ITGAE: variants seen among roughly 807,000 people sequenced by gnomAD.
ITGAE encodes the protein integrin alpha-E.
A neutral mutation model predicts 136.5 loss-of-function variants in ITGAE; 99 were observed. The ratio of observed to expected loss-of-function variants is 0.73; its 90% CI spans 0.62 to 0.86. ITGAE has a LOEUF of 0.86. Among genes scored for constraint, ITGAE ranks in the 40% least tolerant of loss-of-function variants. The probability of loss-of-function intolerance (pLI) is 0.00; values close to 1 mark genes in which losing one functional copy is unlikely to be tolerated. For synonymous variants in ITGAE, 613 were observed against 591.8 expected, an observed-to-expected ratio of 1.04 and a Z score of -0.52; for missense variants, 1,447 against 1,515.3, an observed-to-expected ratio of 0.95 and a Z score of 0.75.
At chr17:3,761,334 G>C (rs1044585723) in intron 5 of ITGAE, 69 bp downstream of exon 5, 2 of 1,544,500 alleles carry the variant, frequency 1.3e-6, no homozygotes, top group Non-Finnish European at 1.7e-6. Flanking sequence ...CCGTGAGCTG[G>C]TGCCTTTTCT....
At chr17:3,744,601 C>T (rs1211510589) in intron 18 of ITGAE, among the ~76,000 whole-genome samples, 7 of 152,126 alleles carry the variant, frequency 4.6e-5, no homozygotes, top group Admixed American at 2.6e-4. Flanking sequence ...CATGCCACCA[C>T]GCCTGGCTAA....
At chr17:3,716,883 C>G in intron 29 of ITGAE, 85 bp from the exon 30 acceptor site, 1 of 768,230 alleles carries the variant, frequency 1.3e-6, no homozygotes, top group Non-Finnish European at 2.2e-6. Flanking sequence ...GAGCAAAATA[C>G]GAGGACTTGG....
chr17:3,757,272 C>G (rs2052051583), intron 9 of ITGAE, 138 bp from the exon 10 acceptor site: 2 of 1,097,890 alleles, frequency 1.8e-6, no homozygotes, highest in South Asian at 1.5e-5. Context: ...TTTCCCTGCT[C>G]CCTGTTCTAC....
intron 2 of ITGAE, among the ~76,000 whole-genome samples, chr17:3,764,656 C>T (rs1017478751): frequency 6.6e-6 from 1 of 152,104 alleles, no homozygotes; most frequent in African/African-American, 2.4e-5. Context: ...GAGATCACGC[C>T]ACTGCACTCC....
chr17:3,747,607 C>A (rs1394441474), intron 17 of ITGAE, among the ~76,000 whole-genome samples: 1 of 152,192 alleles, frequency 6.6e-6, no homozygotes, highest in Non-Finnish European at 1.5e-5. Flanking sequence ...CCGCGCCCGG[C>A]CTTCTGAGTC....
At chr17:3,740,757 C>G (rs2051566337) in intron 19 of ITGAE, among the ~76,000 whole-genome samples, 1 of 152,188 alleles carries the variant, frequency 6.6e-6, no homozygotes, top group Admixed American at 6.5e-5. Context: ...TCAAAAGGCC[C>G]CATGGAGGTT....
Position 3,761,139 on chromosome 17 carries a change from C to T in ITGAE, c.472G>A (p.Asp158Asn). Residue 158 changes from aspartate to asparagine, a missense_variant, in exon 6 of 31, where the codon GAC (aspartate) becomes AAC (asparagine). Transcript: ENST00000263087. Reference protein sequence around the residue: ...LDPDARVDTGDCYSNKEGGGE... With the variant: ...LDPDARVDTGNCYSNKEGGGE... ...CCGCCTTCTTTGTTGCTGTAGCAGT[C>T]TCCAGTGTCCACACGTGCATCTGGA... The T allele has an allele frequency of 6.2e-7, 1 of 1,613,366 alleles. No homozygotes were observed. The highest frequency in any genetic ancestry group is 8.5e-7 in the Non-Finnish European group (1 of 1,180,018).
intron 20 of ITGAE, among the ~76,000 whole-genome samples, chr17:3,735,964 T>C (rs1237149560): frequency 6.6e-6 from 1 of 151,980 alleles, no homozygotes; most frequent in African/African-American, 2.4e-5. Flanking sequence ...GCCAAGATGG[T>C]GAAACCCCGT....
At chr17:3,750,505 C>T (rs935509947) in intron 15 of ITGAE, 23 bp from the exon 16 acceptor site, 19 of 1,613,072 alleles carry the variant, frequency 1.2e-5, no homozygotes, top group East Asian at 4.5e-5. Context: ...AAACACAAGG[C>T]GTGGGGCGAG....
intron 5 of ITGAE, 77 bp from the exon 6 acceptor site, chr17:3,761,254 CCCT>C: frequency 1.3e-5 from 20 of 1,562,078 alleles, no homozygotes; most frequent in Admixed American, 1.8e-5. Context: ...CATGGTTCTG[CCCT>C]GATTCCTTTC....
chr17:3,752,525 G>T (rs1373643864), intron 14 of ITGAE, among the ~76,000 whole-genome samples: 1 of 152,196 alleles, frequency 6.6e-6, no homozygotes, highest in Non-Finnish European at 1.5e-5. Flanking sequence ...GGAGGCCAAG[G>T]TAGGTGGATC....
intron 21 of ITGAE, 59 bp from the exon 22 acceptor site, chr17:3,732,525 G>T: frequency 6.9e-7 from 1 of 1,439,330 alleles, no homozygotes; most frequent in Non-Finnish European, 9.8e-7. Flanking sequence ...ACAAAAACGT[G>T]GTTTCCTCAC....
At chr17:3,717,754 C>G (rs952656852) in intron 29 of ITGAE, 3 of 152,160 alleles carry the variant, frequency 2.0e-5, no homozygotes, top group African/African-American at 7.2e-5. Flanking sequence ...AGTTGACCTT[C>G]CAGTCCTATT....
At chr17:3,754,994 ACCCTCGCCCAGGTAGGCCCCG>A (rs2051973317) in intron 12 of ITGAE, 102 bp downstream of exon 12, 6 of 203,076 alleles carry the variant, frequency 3.0e-5, no homozygotes, top group African/African-American at 1.3e-4. Context: ...CCCAGGCCCC[ACCCTCGCCCAGGTAGGCCCCG>A]CCCTCGCCCA....
At position 3,745,922 on chromosome 17, in the gene ITGAE, G is replaced by T. The variant is rs772832378; in HGVS notation, c.2161C>A (p.Arg721Ser). ...AGCGTGAAGTTGAGAAGTGCCTCGC[G>T]GAGGCCTGGGAATGAAGACCAGACC... is the stretch of plus-strand genomic sequence containing the variant. ...SVTTASESGLREALLNFTLDV... is the reference protein window; with the variant it reads ...SVTTASESGLSEALLNFTLDV... The change falls in exon 18 of 31, where the codon CGC becomes AGC. Residue 721 changes from arginine (R) to serine (S), a missense_variant. Physicochemically the swap from Arg to Ser is moderately radical, Grantham distance 110. This residue lies in a region of ITGAE where 1,031 missense variants were observed against 1,011.4 expected (regional missense o/e 1.02). Transcript: ENST00000263087. The T allele has an allele frequency of 1.2e-6, 2 of 1,613,096 alleles. No individual in the cohort carries two copies. The highest frequency in any genetic ancestry group is 1.7e-6 in the Non-Finnish European group (2 of 1,179,624).
Position 3,755,120 on chromosome 17 carries a change from G to A in ITGAE, c.1381C>T (p.Leu461=). 1 of 1,588,914 alleles carries A rather than the reference G, an allele frequency of 6.3e-7. No individual in the cohort carries two copies. Among genetic ancestry groups the A allele is most frequent in the Non-Finnish European group, 8.5e-7 (1 of 1,171,184 alleles). ...ADAEAAQYSY[L]GYAVAVLHKT... is the part of the protein sequence containing the mutation. ...CATCAGGTGGCCCCGCCCTCACCCA[G>A]GTAGCTGTACTGCGCAGCCTCCGCG... Residue 461 remains leucine (L), a synonymous_variant, in exon 12 of 31, where the codon CTG becomes TTG. Coordinates refer to ENST00000263087, the MANE Select transcript of ITGAE (RefSeq NM_002208.5).
intron 2 of ITGAE, among the ~76,000 whole-genome samples, chr17:3,771,952 C>T (rs1030535479): frequency 1.3e-5 from 2 of 152,162 alleles, no homozygotes; most frequent in Admixed American, 6.5e-5. Flanking sequence ...CTCACCACCC[C>T]TCCCGGCTTC....
chr17:3,743,503 AG>A lies in ITGAE; in HGVS notation c.2433del (p.Phe812LeufsTer41). ...GGTAGAGTCACCTGGAAGATGGCAA[AG>A]GGCTCAGTGTAGCGGTCCAGGATGG... Reference protein sequence around the residue: ...PQPILDRYTEPFAIFQLPYEK... With the variant: ...PQPILDRYTEXFAIFQLPYEK... On this transcript the variant is annotated frameshift_variant, in exon 19 of 31. Coordinates refer to ENST00000263087, the MANE Select transcript of ITGAE (RefSeq NM_002208.5). LOFTEE classifies it high-confidence loss of function. 1.3e-6 allele frequency: 2 copies of A among 1,596,738 alleles called. No individual in the cohort carries two copies. Among genetic ancestry groups the A allele is most frequent in the Non-Finnish European group, 1.7e-6 (2 of 1,173,708 alleles).
rs139590006 is a variant in ITGAE, at chr17:3,714,733, C to G, written c.*114G>C. ...CAATGTATGGTTAAAAACTAATATT[C>G]TACCAACAGCTCCATGCTGCTCTAG... is the stretch of plus-strand genomic sequence containing the variant. On this transcript the variant is annotated 3_prime_UTR_variant, in exon 31 of 31. Coordinates refer to ENST00000263087, the MANE Select transcript of ITGAE (RefSeq NM_002208.5). 7.7e-4 allele frequency: 462 copies of G among 602,356 alleles called. 5 individuals are homozygous for G. The East Asian group carries it at 8.1e-3, about 11-fold the overall frequency. 37.3% of individuals were successfully genotyped at this position (602,356 alleles called of 1,614,324 possible).
Sources: allele counts gnomAD v4.1 joint callset (sites outside exome capture counted in the v4.1 genomes callset), GRCh38; gene constraint gnomAD v4.1.1; regional missense constraint gnomAD v4.1.1; transcripts MANE v1.5; gene names NCBI Gene and HGNC (gene_info 2026-07-23, HGNC 2026-07-21).